The following CNTN4 variants were observed in gnomAD, a reference collection of about 807,000 sequenced individuals.
CNTN4 encodes the protein contactin-4.
Under a neutral mutation model 122.5 loss-of-function variants are expected in CNTN4, and 77 were observed. The observed-to-expected ratio is 0.63, with a 90% CI of 0.52 to 0.76. The LOEUF is 0.76. CNTN4 is among the 30% of genes least tolerant of loss of function. The pLI, the probability that CNTN4 is intolerant of heterozygous loss-of-function variation, is 0.00. For synonymous variants in CNTN4, 512 were observed against 447.0 expected (o/e 1.15, Z -1.83); for missense variants, 1,256 against 1,259.1 (o/e 1.00, Z 0.04).
chr3:2,405,996 C>CTAGATGACAGAGTA (rs2047022018), intron 3 of CNTN4, among the ~76,000 whole-genome samples: 1 of 150,798 alleles, frequency 6.6e-6, no homozygotes, highest in Non-Finnish European at 1.5e-5. Flanking sequence ...CACTGAACTC[C>CTAGATGACAGAGTA]AGCCTAGATG....
chr3:2,212,137 A>G (rs1256308186), intron 2 of CNTN4, among the ~76,000 whole-genome samples: 1 of 150,540 alleles, frequency 6.6e-6, no homozygotes, highest in Non-Finnish European at 1.5e-5. Context: ...ATACCTGGCT[A>G]TTTTTTTTTG....
At chr3:2,762,501 A>G (rs1309518823) in intron 6 of CNTN4, among the ~76,000 whole-genome samples, 1 of 152,180 alleles carries the variant, frequency 6.6e-6, no homozygotes, top group Non-Finnish European at 1.5e-5. Context: ...TGCTAAGGAT[A>G]ATGGCTCCAT....
chr3:2,294,987 T>TC lies in CNTN4; in HGVS notation c.-144-44188dup, dbSNP rs2042257245. Among the ~76,000 whole-genome samples, 3 of 152,106 alleles carry TC rather than the reference T, an allele frequency of 2.0e-5. No homozygotes were observed. The South Asian group carries it at 6.2e-4, about 31-fold the overall frequency. ...ATGATGGTTTCCAATTTCATCCATGTCCCTACAAAGGACATGAACTCATCA... is the reference window on the plus strand; with the variant it reads ...ATGATGGTTTCCAATTTCATCCATGTCCCCTACAAAGGACATGAACTCATCA... On this transcript the variant is annotated intron_variant, in intron 2 of 24. Transcript: ENST00000418658.
At chr3:2,606,847 T>C (rs1487801758) in intron 4 of CNTN4, among the ~76,000 whole-genome samples, 1 of 152,240 alleles carries the variant, frequency 6.6e-6, no homozygotes, top group East Asian at 1.9e-4. Flanking sequence ...AAATGGAAGA[T>C]AGTAAGTAAA....
chr3:2,298,193 T>G (rs2042381775), intron 2 of CNTN4, among the ~76,000 whole-genome samples: 1 of 152,230 alleles, frequency 6.6e-6, no homozygotes, highest in African/African-American at 2.4e-5. Context: ...ATATCTCATT[T>G]TATGTTTAAA....
Position 2,886,889 on chromosome 3 carries a change from A to G in CNTN4, c.756-151A>G, listed in dbSNP as rs996031482. The G allele has an allele frequency of 6.2e-6, 4 of 643,876 alleles. No individual in the cohort carries two copies. In the Admixed American group the frequency reaches 8.4e-5, roughly 14 times the overall value. The allele number at this position is 643,876 out of a possible 1,614,324, so 39.9% of individuals were successfully genotyped here. Reference sequence around the variant, plus strand: ...AATAAGTAATGCTAGAGATGTGGATATGATTAAAGTTATAATGGAGATAGA... The same window carrying G: ...AATAAGTAATGCTAGAGATGTGGATGTGATTAAAGTTATAATGGAGATAGA... On this transcript the variant is annotated intron_variant, in intron 9 of 24. Transcript: ENST00000418658.
intron 3 of CNTN4, among the ~76,000 whole-genome samples, chr3:2,384,151 C>T (rs533880829): frequency 3.1e-4 from 47 of 152,158 alleles, no homozygotes; most frequent in African/African-American, 6.3e-4. Context: ...AGCATGTAGC[C>T]GTGTGCATCA....
At chr3:2,665,862 C>G (rs901728821) in intron 4 of CNTN4, among the ~76,000 whole-genome samples, 4 of 152,162 alleles carry the variant, frequency 2.6e-5, no homozygotes, top group Non-Finnish European at 5.9e-5. Flanking sequence ...ACCAACGTGG[C>G]GTGTGGTATC....
chr3:2,301,736 T>C (rs1238524511), intron 2 of CNTN4, among the ~76,000 whole-genome samples: 2 of 152,228 alleles, frequency 1.3e-5, no homozygotes, highest in East Asian at 3.8e-4. Context: ...ATGCCCACTC[T>C]AGTAGAGCAC....
At chr3:2,959,834 T>C (rs181217828) in intron 13 of CNTN4, among the ~76,000 whole-genome samples, 99 of 152,314 alleles carry the variant, frequency 6.5e-4, no homozygotes, top group Admixed American at 1.6e-3. Context: ...AGGAAATTTA[T>C]AAGAAAATGT....
chr3:2,408,520 T>G (rs773679006), intron 3 of CNTN4, among the ~76,000 whole-genome samples: 16 of 152,328 alleles, frequency 1.1e-4, no homozygotes, highest in Non-Finnish European at 2.2e-4. Flanking sequence ...AGTTGTGGTT[T>G]ATGTAATAAA....
chr3:2,360,797 C>A (rs2045102244), intron 3 of CNTN4, among the ~76,000 whole-genome samples: 2 of 152,174 alleles, frequency 1.3e-5, no homozygotes, highest in African/African-American at 4.8e-5. Flanking sequence ...CAGCTACCTT[C>A]ACCTGGTCTC....
intron 6 of CNTN4, among the ~76,000 whole-genome samples, chr3:2,816,290 C>G (rs1287454471): frequency 6.7e-6 from 1 of 148,164 alleles, no homozygotes; most frequent in African/African-American, 2.6e-5. Context: ...GGAGGCAGAG[C>G]TTGCAATGAG....
At chr3:2,452,417 T>G (rs549341117) in intron 3 of CNTN4, among the ~76,000 whole-genome samples, 1 of 152,306 alleles carries the variant, frequency 6.6e-6, no homozygotes, top group South Asian at 2.1e-4. Context: ...CTTACATGCC[T>G]TCTGGTGGCT....
At chr3:2,428,646 A>G (rs995300502) in intron 3 of CNTN4, among the ~76,000 whole-genome samples, 8 of 152,132 alleles carry the variant, frequency 5.3e-5, no homozygotes, top group African/African-American at 7.2e-5. Context: ...AAGTTCTCCC[A>G]GATAATATCC....
At chr3:2,267,053 C>T (rs1218002006) in intron 2 of CNTN4, among the ~76,000 whole-genome samples, 1 of 152,010 alleles carries the variant, frequency 6.6e-6, no homozygotes, top group Non-Finnish European at 1.5e-5. Flanking sequence ...AAAGATGGTG[C>T]CAGGGGAATT....
intron 4 of CNTN4, among the ~76,000 whole-genome samples, chr3:2,652,792 G>T (rs2083422918): frequency 6.6e-6 from 1 of 152,080 alleles, no homozygotes; most frequent in Non-Finnish European, 1.5e-5. Context: ...TAGACGTGTG[G>T]TCGCTTATCA....
At chr3:2,159,966 C>G (rs2035888112) in intron 2 of CNTN4, among the ~76,000 whole-genome samples, 1 of 151,906 alleles carries the variant, frequency 6.6e-6, no homozygotes, top group Non-Finnish European at 1.5e-5. Flanking sequence ...TTATTGGACT[C>G]CAAAACTCAC....
At chr3:2,570,668 A>G (rs1037042884) in intron 3 of CNTN4, among the ~76,000 whole-genome samples, 1 of 152,142 alleles carries the variant, frequency 6.6e-6, no homozygotes. Flanking sequence ...ATTCCTCAGA[A>G]TAACAGTGTC....
Sources: allele counts gnomAD v4.1 joint callset (sites outside exome capture counted in the v4.1 genomes callset), GRCh38; gene constraint gnomAD v4.1.1; transcripts MANE v1.5; gene names NCBI Gene and HGNC (gene_info 2026-07-23, HGNC 2026-07-21).